The following ELOVL6 variants were observed in gnomAD, a reference collection of about 807,000 sequenced individuals.
ELOVL6 encodes the protein ELOVL fatty acid elongase 6.
In ELOVL6, 8 loss-of-function variants were observed where a neutral mutation model predicts 31.7. The ratio of observed to expected loss-of-function variants is 0.25; its 90% CI spans 0.15 to 0.45. The LOEUF (loss-of-function observed/expected upper bound fraction) is 0.45. Ranked by LOEUF, ELOVL6 falls within the 20% of genes least tolerant of loss-of-function variation. The probability of loss-of-function intolerance (pLI) is 1.00; values close to 1 mark genes in which losing one functional copy is unlikely to be tolerated. For missense variants in ELOVL6, 126 were observed against 326.4 expected (o/e 0.39, Z 4.73); for synonymous variants, 101 against 117.7 (o/e 0.86, Z 0.92).
At chr4:110,122,488 C>G (rs1757382299) in intron 1 of ELOVL6, among the ~76,000 whole-genome samples, 1 of 152,154 alleles carries the variant, frequency 6.6e-6, no homozygotes, top group African/African-American at 2.4e-5. Flanking sequence ...CTCCTGGTCT[C>G]AAGCCTTCCT....
At chr4:110,198,935 A>G (rs1055024236), upstream of ELOVL6, 4 of 152,318 alleles carry the variant, frequency 2.6e-5, no homozygotes, top group African/African-American at 9.7e-5. Flanking sequence ...AACGATTGGG[A>G]AATAGTAAAA....
chr4:110,107,768 G>A (rs940035040), intron 1 of ELOVL6, among the ~76,000 whole-genome samples: 3 of 152,036 alleles, frequency 2.0e-5, no homozygotes, highest in Non-Finnish European at 4.4e-5. Flanking sequence ...ATCTGAAAAA[G>A]TATATACTTT....
chr4:110,140,847 C>T (rs1184180856), intron 1 of ELOVL6, among the ~76,000 whole-genome samples: 1 of 151,596 alleles, frequency 6.6e-6, no homozygotes, highest in Non-Finnish European at 1.5e-5. Context: ...TGTGCATATT[C>T]TTTTATTACT....
chr4:110,072,861 T>C lies in ELOVL6; in HGVS notation c.222-13107A>G, dbSNP rs114776484. Among the ~76,000 whole-genome samples the C allele has an allele frequency of 8.8e-3, 1,338 of 152,234 alleles. 17 individuals are homozygous for C. The highest frequency in any genetic ancestry group is 0.031 in the African/African-American group (1,274 of 41,532). ...CTGAAAGTTGTCACCCTATTGTACT[T>C]CAAAGCCCTAATCAAAGCCTTCCAG... On this transcript the variant is annotated intron_variant, in intron 2 of 3. Transcript: ENST00000302274.
intron 1 of ELOVL6, among the ~76,000 whole-genome samples, chr4:110,153,207 T>C (rs2126266169): frequency 6.6e-6 from 1 of 152,344 alleles, no homozygotes; most frequent in South Asian, 2.1e-4. Flanking sequence ...ACTGTTAAGA[T>C]TTAATAATAA....
intron 1 of ELOVL6, among the ~76,000 whole-genome samples, chr4:110,133,027 C>T (rs1311704402): frequency 6.6e-6 from 1 of 151,988 alleles, no homozygotes; most frequent in Non-Finnish European, 1.5e-5. Context: ...CGAATGAGAT[C>T]ATCCAAGGGG....
At chr4:110,190,831 T>C (rs989710670) in intron 1 of ELOVL6, among the ~76,000 whole-genome samples, 10 of 151,284 alleles carry the variant, frequency 6.6e-5, no homozygotes, top group African/African-American at 2.2e-4. Flanking sequence ...ATTTTTGTGT[T>C]TTTTTTGAGA....
chr4:110,113,508 G>A (rs1234030928), intron 1 of ELOVL6, among the ~76,000 whole-genome samples: 1 of 150,656 alleles, frequency 6.6e-6, no homozygotes, highest in Non-Finnish European at 1.5e-5. Context: ...GAGCCTAGGA[G>A]GTTGCGGCTG....
intron 1 of ELOVL6, among the ~76,000 whole-genome samples, chr4:110,193,256 C>T (rs960697254): frequency 9.9e-5 from 15 of 152,162 alleles, no homozygotes; most frequent in African/African-American, 2.9e-4. Context: ...AATTGTACAT[C>T]GTGTTACTTT....
chr4:110,190,590 G>A (rs1759584787), intron 1 of ELOVL6, among the ~76,000 whole-genome samples: 1 of 151,892 alleles, frequency 6.6e-6, no homozygotes, highest in Non-Finnish European at 1.5e-5. Context: ...CTGGAACCTC[G>A]GCCTCCTGGG....
intron 1 of ELOVL6, among the ~76,000 whole-genome samples, chr4:110,111,327 G>T (rs1412929723): frequency 6.7e-6 from 1 of 148,606 alleles, no homozygotes; most frequent in Non-Finnish European, 1.5e-5. Context: ...AAATCGGCAG[G>T]TTATCAATTC....
intron 1 of ELOVL6, among the ~76,000 whole-genome samples, chr4:110,148,550 A>G (rs1029382773): frequency 2.0e-5 from 3 of 151,898 alleles, no homozygotes; most frequent in Admixed American, 1.3e-4. Context: ...AATAGAAGGA[A>G]TGAATAAGAC....
chr4:110,121,240 C>T (rs1757349289), intron 1 of ELOVL6, among the ~76,000 whole-genome samples: 2 of 152,172 alleles, frequency 1.3e-5, no homozygotes, highest in Admixed American at 1.3e-4. Flanking sequence ...GAAAATTCAA[C>T]ATATTGAGAT....
chr4:110,053,718 T>A (rs1754896764), intron 3 of ELOVL6, among the ~76,000 whole-genome samples: 1 of 151,986 alleles, frequency 6.6e-6, no homozygotes, highest in Non-Finnish European at 1.5e-5. Context: ...GGTGGGCAGA[T>A]CACAAGGTCA....
intron 1 of ELOVL6, among the ~76,000 whole-genome samples, chr4:110,179,069 T>A (rs1277058006): frequency 6.6e-6 from 1 of 152,076 alleles, no homozygotes; most frequent in Non-Finnish European, 1.5e-5. Flanking sequence ...TTTATCAAGA[T>A]GAATCCTAGT....
chr4:110,069,385 A>G (rs1406391251), intron 2 of ELOVL6, among the ~76,000 whole-genome samples: 1 of 151,446 alleles, frequency 6.6e-6, no homozygotes. Flanking sequence ...CCTCGACCCC[A>G]TCAAGGCCAG....
rs556100755 is a variant in ELOVL6 at position 110,159,062 on chromosome 4, A to G, written c.89+39185T>C. On this transcript the variant is annotated intron_variant, in intron 1 of 3. Coordinates refer to ENST00000302274, the MANE Select transcript of ELOVL6 (RefSeq NM_024090.3). ...GCTTTGCTTTTTATCAATTTTAATC[A>G]CTTCTAGACTTACATTGTGATTTGC... 9.9e-5 allele frequency among the ~76,000 whole-genome samples: 15 copies of G among 152,142 alleles called. No individual in the cohort carries two copies. In the South Asian group the frequency reaches 2.9e-3, roughly 30 times the overall value.
intron 1 of ELOVL6, among the ~76,000 whole-genome samples, chr4:110,156,562 T>C (rs79805953): frequency 0.037 from 5,672 of 152,136 alleles, 190 homozygotes; most frequent in East Asian, 0.16. Context: ...ACCAAGCATC[T>C]GCAGTCTCGA....
Position 110,068,534 on chromosome 4 carries a change from G to T in ELOVL6, c.222-8780C>A, listed in dbSNP as rs76665466. ...AAACAGATGTTCTGATTAAATGTTT[G>T]ATAGGATCAGTTGGCTTCGATTCAC... On this transcript the variant is annotated intron_variant, in intron 2 of 3. Coordinates refer to ENST00000302274, the MANE Select transcript of ELOVL6 (RefSeq NM_024090.3). Among the ~76,000 whole-genome samples the T allele has an allele frequency of 9.2e-3, 1,405 of 152,322 alleles. 20 individuals carry two copies. Among genetic ancestry groups the T allele is most frequent in the African/African-American group, 0.03 (1,261 of 41,574 alleles).
Sources: gnomAD v4.1 joint callset for allele counts (sites outside exome capture counted in the v4.1 genomes callset) on GRCh38, gnomAD v4.1.1 for gene constraint, MANE v1.5 for transcripts, NCBI Gene and HGNC (gene_info 2026-07-23, HGNC 2026-07-21) for gene names.